The following KIF13B variants were observed in gnomAD, a reference collection of about 807,000 sequenced individuals.
The protein encoded by KIF13B is kinesin family member 13B.
A neutral mutation model predicts 222.0 loss-of-function variants in KIF13B; 127 were observed. That is an observed-to-expected ratio of 0.57 (90% confidence interval 0.50 to 0.66). The LOEUF (loss-of-function observed/expected upper bound fraction) is 0.66, where lower values mean the gene tolerates loss of function less well. Among genes scored for constraint, KIF13B ranks in the 30% least tolerant of loss-of-function variants. KIF13B has a pLI of 0.00. For synonymous variants in KIF13B, 976 were observed against 919.0 expected, an observed-to-expected ratio of 1.06 and a Z score of -1.12; for missense variants, 2,173 against 2,379.0, an observed-to-expected ratio of 0.91 and a Z score of 1.80.
At chr8:29,241,239 C>T (rs957250581) in intron 2 of KIF13B, among the ~76,000 whole-genome samples, 2 of 152,120 alleles carry the variant, frequency 1.3e-5, no homozygotes, top group African/African-American at 2.4e-5. Context: ...CCAGAACAGG[C>T]AAATCTCACA....
intron 10 of KIF13B, among the ~76,000 whole-genome samples, chr8:29,169,580 C>T (rs1034042858): frequency 1.3e-5 from 2 of 152,158 alleles, no homozygotes; most frequent in South Asian, 2.1e-4. Flanking sequence ...TTTGGTTTTC[C>T]ACAGAAAACA....
At chr8:29,114,440 T>C (rs56159077) in intron 31 of KIF13B, among the ~76,000 whole-genome samples, 19,150 of 152,280 alleles carry the variant, frequency 0.13, 1,367 homozygotes, top group Non-Finnish European at 0.16. Context: ...CCCTTAACTT[T>C]AGCCTTGCAG....
intron 31 of KIF13B, among the ~76,000 whole-genome samples, chr8:29,116,124 T>C (rs982951973): frequency 6.6e-6 from 1 of 152,190 alleles, no homozygotes; most frequent in Admixed American, 6.5e-5. Context: ...CTCAAACTCC[T>C]AGGCTCAAGT....
Position 29,146,636 on chromosome 8 carries a change from T to C in KIF13B, c.2025-96A>G, listed in dbSNP as rs141011139. On this transcript the variant is annotated intron_variant, in intron 17 of 39. Transcript: ENST00000524189. ...CAGTGGTAGTACATCATTGCCAAAG[T>C]GTGAATTGAGCTTTTTCCGTGGTCG... The C allele has an allele frequency of 5.9e-5, 67 of 1,139,702 alleles. No individual in the cohort carries two copies. In the East Asian group the frequency reaches 1.6e-3, roughly 28 times the overall value. 70.6% of individuals were successfully genotyped at this position (1,139,702 alleles called of 1,614,324 possible). A position where few individuals can be genotyped will look rare whatever the true frequency, so the allele number is the denominator to read the frequency against.
At chr8:29,156,743 A>G (rs1461142750) in intron 13 of KIF13B, among the ~76,000 whole-genome samples, 4 of 150,310 alleles carry the variant, frequency 2.7e-5, no homozygotes, top group Admixed American at 2.7e-4. Context: ...TTGATCTCAA[A>G]CTCCTGGGCT....
In KIF13B at chr8:29,154,346, G is replaced by A. The variant is rs539166413; in HGVS notation, c.1535+1380C>T. 1.9e-4 allele frequency among the ~76,000 whole-genome samples: 29 copies of A among 151,974 alleles called. No individual in the cohort carries two copies. The South Asian group carries it at 2.3e-3, about 12-fold the overall frequency. ...AGGGAAGGAAAGGAGGGAAGGGATC[G>A]GGAGAAGGGAAGGGGAGAGGAGGAA... On this transcript the variant is annotated intron_variant, in intron 14 of 39. Coordinates refer to ENST00000524189, the MANE Select transcript of KIF13B (RefSeq NM_015254.4).
intron 13 of KIF13B, among the ~76,000 whole-genome samples, chr8:29,157,303 C>T (rs1185393530): frequency 6.6e-6 from 1 of 150,906 alleles, no homozygotes; most frequent in Non-Finnish European, 1.5e-5. Context: ...ACCTGTAATC[C>T]CAGCAATTTG....
chr8:29,254,971 T>C (rs1051093716), intron 1 of KIF13B, among the ~76,000 whole-genome samples: 10 of 152,222 alleles, frequency 6.6e-5, no homozygotes, highest in Non-Finnish European at 1.3e-4. Flanking sequence ...AAGAATGAAG[T>C]ATTGATTCAT....
At chr8:29,186,828 G>A (rs1288643499) in intron 5 of KIF13B, among the ~76,000 whole-genome samples, 2 of 151,804 alleles carry the variant, frequency 1.3e-5, no homozygotes, top group South Asian at 4.2e-4. Flanking sequence ...AATTAGCCAT[G>A]CGTGACGGCA....
intron 38 of KIF13B, among the ~76,000 whole-genome samples, chr8:29,072,974 G>C (rs1442258587): frequency 1.3e-5 from 2 of 151,718 alleles, no homozygotes; most frequent in African/African-American, 2.4e-5. Context: ...CGGAGGACCG[G>C]AACACACTCA....
intron 29 of KIF13B, among the ~76,000 whole-genome samples, chr8:29,119,576 C>A (rs1809759622): frequency 6.6e-6 from 1 of 152,136 alleles, no homozygotes; most frequent in Admixed American, 6.5e-5. Context: ...CCTGATGATC[C>A]CCTCAAATGC....
intron 2 of KIF13B, among the ~76,000 whole-genome samples, chr8:29,211,523 G>A (rs1160284047): frequency 1.3e-5 from 2 of 152,162 alleles, no homozygotes; most frequent in Non-Finnish European, 2.9e-5. Context: ...AGAGTCTGCT[G>A]GCCAGGGAGA....
chr8:29,152,053 C>T (rs1279005109), intron 14 of KIF13B, among the ~76,000 whole-genome samples: 1 of 152,038 alleles, frequency 6.6e-6, no homozygotes, highest in East Asian at 1.9e-4. Flanking sequence ...ATCATGGATG[C>T]CTTCGGGGGG....
chr8:29,238,553 C>T (rs1815615959), intron 2 of KIF13B, among the ~76,000 whole-genome samples: 1 of 152,200 alleles, frequency 6.6e-6, no homozygotes. Flanking sequence ...ATCAACATCT[C>T]AGTCTTCCCA....
At chr8:29,173,149 A>G (rs973776254) in intron 10 of KIF13B, among the ~76,000 whole-genome samples, 4 of 152,076 alleles carry the variant, frequency 2.6e-5, no homozygotes, top group African/African-American at 7.2e-5. Flanking sequence ...TCCTGACCTC[A>G]GCTGATCCTC....
In KIF13B at chr8:29,070,757, T is replaced by C; in HGVS notation, c.5228A>G (p.Asp1743Gly). 1.9e-6 allele frequency: 3 copies of C among 1,588,342 alleles called. No homozygotes were observed. Among genetic ancestry groups the C allele is most frequent in the Non-Finnish European group, 2.6e-6 (3 of 1,168,070 alleles). The change falls in exon 40 of 40, where the codon GAC becomes GGC. Residue 1743 changes from aspartate (D) to glycine (G), a missense_variant. Physicochemically the swap from Asp to Gly is moderately conservative, Grantham distance 94. Coordinates refer to ENST00000524189, the MANE Select transcript of KIF13B (RefSeq NM_015254.4). The surrounding 1 kb of genome is among the most constrained non-coding windows in gnomAD (Gnocchi z 4.1). ...GTACTGCTTCCCGCCGATGGAACCG[T>C]CATTCTTACCTGCGGGGGAAGGAGA... ...VELDLPSGKN[D>G]GSIGGKQYFR...
intron 2 of KIF13B, among the ~76,000 whole-genome samples, chr8:29,238,887 A>C (rs1445268089): frequency 1.3e-5 from 2 of 152,112 alleles, no homozygotes; most frequent in Non-Finnish European, 2.9e-5. Context: ...AAAGAATGAA[A>C]ATTAGCCAGG....
intron 13 of KIF13B, among the ~76,000 whole-genome samples, chr8:29,156,169 C>T (rs1355708250): frequency 6.6e-6 from 1 of 152,094 alleles, no homozygotes; most frequent in East Asian, 1.9e-4. Context: ...CAGGGTTTCA[C>T]CATGTTGGCC....
intron 35 of KIF13B, among the ~76,000 whole-genome samples, chr8:29,105,863 TG>T (rs1809042579): frequency 6.6e-6 from 1 of 151,870 alleles, no homozygotes; most frequent in African/African-American, 2.4e-5. Context: ...TTCACCATGT[TG>T]GGCAGGCTGG....
Sources: gnomAD v4.1 joint callset for allele counts (sites outside exome capture counted in the v4.1 genomes callset) on GRCh38, gnomAD v4.1.1 for gene constraint, Gnocchi (gnomAD v3.1) non-coding constraint, MANE v1.5 for transcripts, NCBI Gene and HGNC (gene_info 2026-07-23, HGNC 2026-07-21) for gene names.